ADGRV1: variants seen among roughly 807,000 people sequenced by gnomAD.
ADGRV1 encodes adhesion G protein-coupled receptor V1.
In ADGRV1, 359 loss-of-function variants were observed where a neutral mutation model predicts 596.2. The observed-to-expected ratio is 0.60, with a 90% CI of 0.55 to 0.66. The LOEUF (loss-of-function observed/expected upper bound fraction) is 0.66, where lower values mean the gene tolerates loss of function less well. Ranked by LOEUF, ADGRV1 falls within the 30% of genes least tolerant of loss-of-function variation. The probability of loss-of-function intolerance (pLI) is 0.00; values close to 1 mark genes in which losing one functional copy is unlikely to be tolerated. For missense variants in ADGRV1, 7,274 were observed against 7,575.6 expected (o/e 0.96, Z 1.48); for synonymous variants, 2,681 against 2,679.2 (o/e 1.00, Z -0.02).
At chr5:91,075,990 C>T (rs142377452) in intron 86 of ADGRV1, among the ~76,000 whole-genome samples, 4 of 152,246 alleles carry the variant, frequency 2.6e-5, no homozygotes, top group Admixed American at 2.0e-4. Flanking sequence ...TGAGCTCCTC[C>T]TCATTAGTTG....
intron 85 of ADGRV1, among the ~76,000 whole-genome samples, chr5:91,029,457 A>G (rs2151220755): frequency 6.6e-6 from 1 of 152,316 alleles, no homozygotes; most frequent in Middle Eastern, 3.4e-3. Context: ...TTCCATATAC[A>G]TATGTGCAAA....
Position 90,712,331 on chromosome 5 carries a change from C to G in ADGRV1, c.9087C>G (p.Ile3029Met), listed in dbSNP as rs1054594370. 2 of 1,559,544 alleles carry G rather than the reference C, an allele frequency of 1.3e-6. No homozygotes were observed. The highest frequency in any genetic ancestry group is 2.7e-5 in the African/African-American group (2 of 73,700). ...GAGAAAGGTATAAAAATGTCAATAT[C>G]ATGATTCTTGATGATGACATTCCAG... Reference protein sequence around the residue: ...ADGERYKNVNIMILDDDIPEG... With the variant: ...ADGERYKNVNMMILDDDIPEG... Residue 3029 changes from isoleucine to methionine, a missense_variant, in exon 42 of 90, where the codon ATC becomes ATG. Ile to Met is a conservative substitution (Grantham distance 10). This residue lies in a region of ADGRV1 where 3,643 missense variants were observed against 3,809.2 expected (regional missense o/e 0.96). Coordinates refer to ENST00000405460, the MANE Select transcript of ADGRV1 (RefSeq NM_032119.4).
chr5:90,961,510 G>GGA (rs1236775791), intron 83 of ADGRV1, among the ~76,000 whole-genome samples: 13 of 141,760 alleles, frequency 9.2e-5, no homozygotes, highest in Non-Finnish European at 2.0e-4. Context: ...AAAAAAAAGG[G>GGA]GGGGTGGCGG....
chr5:91,054,055 A>T (rs539198192), intron 85 of ADGRV1, among the ~76,000 whole-genome samples: 2 of 146,476 alleles, frequency 1.4e-5, no homozygotes, highest in Non-Finnish European at 3.0e-5. Flanking sequence ...CTTCATTTCA[A>T]CTACTCTGTG....
chr5:90,721,525 A>AAAT (rs1349650939), intron 45 of ADGRV1, among the ~76,000 whole-genome samples: 1 of 80,658 alleles, frequency 1.2e-5, no homozygotes, highest in Non-Finnish European at 2.8e-5. Flanking sequence ...AAAATAAAAT[A>AAAT]AAAATAAAAA....
At chr5:90,768,329 T>C (rs550416289) in intron 59 of ADGRV1, among the ~76,000 whole-genome samples, 2 of 152,170 alleles carry the variant, frequency 1.3e-5, no homozygotes, top group Non-Finnish European at 2.9e-5. Flanking sequence ...TAGTTCTGAA[T>C]ATATACAAAG....
At chr5:91,089,004 T>C (rs1790148304) in intron 86 of ADGRV1, among the ~76,000 whole-genome samples, 1 of 152,104 alleles carries the variant, frequency 6.6e-6, no homozygotes, top group Non-Finnish European at 1.5e-5. Context: ...TTTTTTTCTC[T>C]GTAAGGGCTT....
At position 90,919,721 on chromosome 5, in the gene ADGRV1, G is replaced by A. The variant is rs181919593; in HGVS notation, c.17857-45694G>A. 5.3e-5 allele frequency among the ~76,000 whole-genome samples: 8 copies of A among 152,192 alleles called. No individual in the cohort carries two copies. The East Asian group carries it at 1.4e-3, about 26-fold the overall frequency. Reference sequence around the variant, plus strand: ...AAAGGAAAAATATTTTGGGCTGGGCGTGGTGGCTCACACCTGTAATCCCAG... The same window carrying A: ...AAAGGAAAAATATTTTGGGCTGGGCATGGTGGCTCACACCTGTAATCCCAG... On this transcript the variant is annotated intron_variant, in intron 83 of 89. Transcript: ENST00000405460.
intron 1 of ADGRV1, among the ~76,000 whole-genome samples, chr5:90,610,659 A>G (rs1762627470): frequency 6.6e-6 from 1 of 152,026 alleles, no homozygotes; most frequent in Non-Finnish European, 1.5e-5. Context: ...AGAGTGGGAC[A>G]GAGGGGACTT....
chr5:90,591,772 G>A lies in ADGRV1; in HGVS notation c.23-23063G>A, dbSNP rs557870240. Among the ~76,000 whole-genome samples, 20 of 152,250 alleles carry A rather than the reference G, an allele frequency of 1.3e-4. No individual in the cohort carries two copies. In the South Asian group the frequency reaches 2.5e-3, roughly 19 times the overall value. ...CTATGGTTTTGTTCATGTAAATTGG[G>A]TGAATTAATAAGAATTAATAAGAAT... is the stretch of plus-strand genomic sequence containing the variant. On this transcript the variant is annotated intron_variant, in intron 1 of 89. Transcript: ENST00000405460.
intron 50 of ADGRV1, among the ~76,000 whole-genome samples, chr5:90,733,791 C>T (rs1419772983): frequency 6.6e-6 from 1 of 152,120 alleles, no homozygotes; most frequent in Non-Finnish European, 1.5e-5. Context: ...TGTGATGATA[C>T]AGTTGAAATG....
chr5:90,831,479 T>C (rs1257421267), intron 77 of ADGRV1, among the ~76,000 whole-genome samples: 2 of 152,154 alleles, frequency 1.3e-5, no homozygotes, highest in African/African-American at 4.8e-5. Context: ...TGAGATATTT[T>C]GATACAGGCA....
At chr5:90,759,649 T>A in intron 58 of ADGRV1, 61 bp downstream of exon 58, 1 of 1,447,864 alleles carries the variant, frequency 6.9e-7, no homozygotes, top group Non-Finnish European at 9.6e-7. Flanking sequence ...TAATTTTGAG[T>A]AGAAAGTGTC....
intron 74 of ADGRV1, among the ~76,000 whole-genome samples, chr5:90,812,860 G>A (rs1040410405): frequency 3.3e-5 from 5 of 151,598 alleles, no homozygotes; most frequent in African/African-American, 7.3e-5. Context: ...AGCTGGGCAC[G>A]GTGGCTCACA....
At chr5:90,677,862 A>G (rs914581472) in intron 25 of ADGRV1, among the ~76,000 whole-genome samples, 2 of 152,182 alleles carry the variant, frequency 1.3e-5, no homozygotes, top group East Asian at 1.9e-4. Context: ...CTGGACTCAT[A>G]TGTAGGGACT....
At position 90,745,510 on chromosome 5, in the gene ADGRV1, A is replaced by G. The variant is rs1580977962; in HGVS notation, c.10770-81A>G. The G allele has an allele frequency of 8.3e-6, 8 of 961,228 alleles. No individual in the cohort carries two copies. In the East Asian group the frequency reaches 9.9e-5, roughly 12 times the overall value. 59.5% of individuals were successfully genotyped at this position (961,228 alleles called of 1,614,324 possible). A position where few individuals can be genotyped will look rare whatever the true frequency, so the allele number is the denominator to read the frequency against. On this transcript the variant is annotated intron_variant, in intron 51 of 89. Coordinates refer to ENST00000405460, the MANE Select transcript of ADGRV1 (RefSeq NM_032119.4). ...TGATTCTTCCAAACCTTTAATATCA[A>G]TTAATGTAATGAGTAGTCTACTATG...
At chr5:90,627,062 G>C in intron 6 of ADGRV1, 149 bp from the exon 7 acceptor site, 1 of 488,074 alleles carries the variant, frequency 2.0e-6, no homozygotes, top group Non-Finnish European at 3.6e-6. Context: ...ATTAATTGGA[G>C]ACTAAACAAG....
chr5:90,917,667 T>G (rs1457723351), intron 83 of ADGRV1, among the ~76,000 whole-genome samples: 2 of 152,182 alleles, frequency 1.3e-5, no homozygotes, highest in African/African-American at 2.4e-5. Context: ...CTTCTTTCCT[T>G]AAAAGAATAA....
At chr5:90,972,201 G>A (rs1779102495) in intron 84 of ADGRV1, among the ~76,000 whole-genome samples, 1 of 152,134 alleles carries the variant, frequency 6.6e-6, no homozygotes, top group Non-Finnish European at 1.5e-5. Flanking sequence ...GATTCATAAA[G>A]CAAGTCCTTA....
Sources: gnomAD v4.1 joint callset for allele counts (sites outside exome capture counted in the v4.1 genomes callset) on GRCh38, gnomAD v4.1.1 for gene constraint, gnomAD v4.1.1 regional missense constraint, MANE v1.5 for transcripts, NCBI Gene and HGNC (gene_info 2026-07-23, HGNC 2026-07-21) for gene names.